The following CEP128 variants were observed in gnomAD, a reference collection of about 807,000 sequenced individuals.
The protein encoded by CEP128 is centrosomal protein 128, also known as centrosomal protein 128kDa.
In CEP128, 132 loss-of-function variants were observed where a neutral mutation model predicts 156.7. The observed-to-expected ratio is 0.84, with a 90% confidence interval of 0.73 to 0.97. The LOEUF (loss-of-function observed/expected upper bound fraction) is 0.97, where lower values mean the gene tolerates loss of function less well. Ranked by LOEUF, CEP128 falls within the 50% of genes least tolerant of loss-of-function variation. The probability of loss-of-function intolerance (pLI) is 0.00; values close to 1 mark genes in which losing one functional copy is unlikely to be tolerated. For missense variants in CEP128, 1,252 were observed against 1,281.9 expected (o/e 0.98, Z 0.36); for synonymous variants, 469 against 448.9 (o/e 1.04, Z -0.57).
At chr14:80,704,635 A>C (rs1897177807) in intron 19 of CEP128, among the ~76,000 whole-genome samples, 1 of 151,908 alleles carries the variant, frequency 6.6e-6, no homozygotes, top group Non-Finnish European at 1.5e-5. Flanking sequence ...CTTTAGGCCT[A>C]CATTTTTACG....
chr14:80,552,962 CT>C lies in CEP128; in HGVS notation c.2880+6316del, dbSNP rs559233759. On this transcript the variant is annotated intron_variant, in intron 21 of 24. Coordinates refer to ENST00000555265, the MANE Select transcript of CEP128 (RefSeq NM_152446.5). ...TCCATTATTCCAATGCCTTGTTTGC[CT>C]TTTTTTTCTCTTCAGAAATCTCCTT... 2.6e-5 allele frequency among the ~76,000 whole-genome samples: 4 copies of C among 151,744 alleles called. No individual in the cohort carries two copies. The East Asian group carries it at 7.7e-4, about 29-fold the overall frequency.
chr14:80,894,549 CA>C (rs34375242), intron 8 of CEP128: 2,156 of 383,310 alleles, frequency 5.6e-3, no homozygotes, highest in East Asian at 0.013. Flanking sequence ...GAACTTTATG[CA>C]AAAAAAAAAT....
chr14:80,617,217 A>ACCTTT lies in CEP128; in HGVS notation c.2807-36795_2807-36794insAAAGG, dbSNP rs1491470595. 2.2e-3 allele frequency among the ~76,000 whole-genome samples: 95 copies of ACCTTT among 43,138 alleles called. 8 individuals are homozygous for ACCTTT. Among genetic ancestry groups the ACCTTT allele is most frequent in the Admixed American group, 3.5e-3 (11 of 3,138 alleles). 28.3% of individuals were successfully genotyped at this position (43,138 alleles called of 152,430 possible). A position where few individuals can be genotyped will look rare whatever the true frequency, so the allele number is the denominator to read the frequency against. ...AAATCACTTAACCTATGTGAATATC[A>ACCTTT]TCTTTTTTTTTTTTTTTTTTTTTTT... On this transcript the variant is annotated intron_variant, in intron 19 of 24. Coordinates refer to ENST00000555265, the MANE Select transcript of CEP128 (RefSeq NM_152446.5).
chr14:80,495,908 C>T (rs1437840467), downstream of CEP128, among the ~76,000 whole-genome samples: 1 of 152,108 alleles, frequency 6.6e-6, no homozygotes, highest in Non-Finnish European at 1.5e-5. Flanking sequence ...AATACATTCT[C>T]AATACTTTAA....
At chr14:80,843,949 T>C (rs1443836617) in intron 9 of CEP128, among the ~76,000 whole-genome samples, 1 of 152,042 alleles carries the variant, frequency 6.6e-6, no homozygotes, top group Non-Finnish European at 1.5e-5. Context: ...AAAAGGACTC[T>C]ATGCATAATA....
At chr14:80,728,649 A>T (rs1898110479) in intron 19 of CEP128, among the ~76,000 whole-genome samples, 1 of 152,168 alleles carries the variant, frequency 6.6e-6, no homozygotes, top group Non-Finnish European at 1.5e-5. Context: ...AAGTTGGAAG[A>T]TATTCCAAAT....
intron 19 of CEP128, among the ~76,000 whole-genome samples, chr14:80,580,694 T>C (rs1891553862): frequency 6.6e-6 from 1 of 152,266 alleles, no homozygotes; most frequent in East Asian, 1.9e-4. Flanking sequence ...ATCAAATCAA[T>C]TAAAAATCTG....
At chr14:80,799,425 A>G (rs1315752240) in intron 13 of CEP128, among the ~76,000 whole-genome samples, 2 of 152,340 alleles carry the variant, frequency 1.3e-5, no homozygotes, top group Middle Eastern at 3.4e-3. Flanking sequence ...GTGTTTGAAC[A>G]ATATGAAATC....
chr14:80,801,014 C>T (rs1187894562), intron 13 of CEP128, among the ~76,000 whole-genome samples: 1 of 152,046 alleles, frequency 6.6e-6, no homozygotes, highest in Non-Finnish European at 1.5e-5. Flanking sequence ...CATTCACTAC[C>T]AAAAAACATA....
chr14:80,688,575 G>A (rs978554124), intron 19 of CEP128, among the ~76,000 whole-genome samples: 3 of 152,138 alleles, frequency 2.0e-5, no homozygotes, highest in African/African-American at 7.2e-5. Flanking sequence ...TTTCATGTTT[G>A]TTGCATAATT....
intron 23 of CEP128, among the ~76,000 whole-genome samples, chr14:80,519,819 T>C (rs1235810856): frequency 6.6e-6 from 1 of 151,624 alleles, no homozygotes; most frequent in African/African-American, 2.4e-5. Context: ...CTCCACAATT[T>C]AGCACTGTGC....
chr14:80,531,244 T>TA (rs1419196161), intron 21 of CEP128, among the ~76,000 whole-genome samples: 1 of 152,202 alleles, frequency 6.6e-6, no homozygotes, highest in East Asian at 1.9e-4. Context: ...TATGAGGTAA[T>TA]ACTGAGAAAC....
At chr14:80,742,980 A>G in intron 19 of CEP128, 95 bp downstream of exon 19, 1 of 1,031,016 alleles carries the variant, frequency 9.7e-7, no homozygotes, top group Non-Finnish European at 1.5e-6. Flanking sequence ...GAAATAGTCC[A>G]AAGGGGATGC....
chr14:80,525,820 T>C (rs574768505), intron 23 of CEP128, among the ~76,000 whole-genome samples: 16 of 152,352 alleles, frequency 1.1e-4, no homozygotes, highest in African/African-American at 3.4e-4. Flanking sequence ...GAAGGAGTTA[T>C]GGAAATGAAC....
At chr14:80,771,170 C>T (rs1410742485) in intron 16 of CEP128, among the ~76,000 whole-genome samples, 2 of 152,148 alleles carry the variant, frequency 1.3e-5, no homozygotes, top group Non-Finnish European at 2.9e-5. Context: ...TCATTGACGA[C>T]TCACATTCCA....
intron 21 of CEP128, among the ~76,000 whole-genome samples, chr14:80,544,658 T>C (rs1389686028): frequency 6.6e-6 from 1 of 152,180 alleles, no homozygotes; most frequent in Non-Finnish European, 1.5e-5. Flanking sequence ...AAAAATGAAG[T>C]ATTATGTAAT....
chr14:80,908,772 G>GAA (rs1445350155), intron 4 of CEP128, among the ~76,000 whole-genome samples: 1 of 152,164 alleles, frequency 6.6e-6, no homozygotes, highest in African/African-American at 2.4e-5. Flanking sequence ...TCTTTCTTCA[G>GAA]AAAAATCTGG....
intron 12 of CEP128, among the ~76,000 whole-genome samples, chr14:80,833,565 G>GA (rs935697159): frequency 5.3e-4 from 78 of 146,642 alleles, no homozygotes; most frequent in East Asian, 2.0e-3. Flanking sequence ...CAAATTTGGG[G>GA]AAAAAAAAAA....
At chr14:80,497,618 G>C in intron 24 of CEP128, 36 bp from the exon 25 acceptor site, 2 of 1,421,222 alleles carry the variant, frequency 1.4e-6, no homozygotes, top group Non-Finnish European at 2.0e-6. Context: ...AATAAACCTA[G>C]GTGAATATAA....
Sources: allele counts gnomAD v4.1 joint callset (sites outside exome capture counted in the v4.1 genomes callset), GRCh38; gene constraint gnomAD v4.1.1; transcripts MANE v1.5; gene names NCBI Gene and HGNC (gene_info 2026-07-23, HGNC 2026-07-21).